CMSS1: variants seen among roughly 807,000 people sequenced by gnomAD.
CMSS1 encodes the protein protein CMSS1.
In CMSS1, 33 loss-of-function variants were observed where a neutral mutation model predicts 43.5. That is an observed-to-expected ratio of 0.76 (90% CI 0.57 to 1.01). The LOEUF (loss-of-function observed/expected upper bound fraction) is 1.01, where lower values mean the gene tolerates loss of function less well. Among genes scored for constraint, CMSS1 ranks in the 50% least tolerant of loss-of-function variants. The pLI is 0.00. For missense variants in CMSS1, 313 were observed against 326.4 expected (o/e 0.96, Z 0.32); for synonymous variants, 115 against 117.2 (o/e 0.98, Z 0.12).
intron 1 of CMSS1, among the ~76,000 whole-genome samples, chr3:99,950,938 G>C (rs1708158429): frequency 6.6e-6 from 1 of 152,156 alleles, no homozygotes; most frequent in South Asian, 2.1e-4. Context: ...GTCACCCAGG[G>C]ATTATTGGGT....
intron 1 of CMSS1, among the ~76,000 whole-genome samples, chr3:99,951,446 A>T (rs548235208): frequency 1.0e-3 from 159 of 152,214 alleles, no homozygotes; most frequent in Non-Finnish European, 2.0e-3. Flanking sequence ...GATTGAATGA[A>T]TGAGGTTGTC....
chr3:99,842,824 G>A (rs776329624), intron 1 of CMSS1, among the ~76,000 whole-genome samples: 9 of 152,136 alleles, frequency 5.9e-5, no homozygotes, highest in Non-Finnish European at 1.2e-4. Context: ...ATTTGTAAGT[G>A]CTCCCATGTA....
Position 100,014,895 on chromosome 3 carries a change from C to CTT in CMSS1, c.65-132056_65-132055dup, listed in dbSNP as rs1233573719. 3.9e-3 allele frequency among the ~76,000 whole-genome samples: 98 copies of CTT among 25,004 alleles called. 2 individuals carry two copies. Among genetic ancestry groups the CTT allele is most frequent in the African/African-American group, 0.012 (66 of 5,706 alleles). The allele number at this position is 25,004 out of a possible 152,430, so 16.4% of individuals were successfully genotyped here. A position where few individuals can be genotyped will look rare whatever the true frequency, so the allele number is the denominator to read the frequency against. On this transcript the variant is annotated intron_variant, in intron 1 of 9. Transcript: ENST00000421999. ...TTTTCTTTTTTTTTTTTCTTTCTTTCTTTTTTTTTTTTTTTTTTTTTTTGC... is the reference window on the plus strand; with the variant it reads ...TTTTCTTTTTTTTTTTTCTTTCTTTCTTTTTTTTTTTTTTTTTTTTTTTTTGC...
At chr3:99,909,952 T>C (rs1706741779) in intron 1 of CMSS1, among the ~76,000 whole-genome samples, 1 of 83,460 alleles carries the variant, frequency 1.2e-5, no homozygotes, top group African/African-American at 3.1e-5. Context: ...CTGACCAAAA[T>C]GAGTGAGAAA....
chr3:99,929,944 T>C, intron 1 of CMSS1: 1 of 1,614,128 alleles, frequency 6.2e-7, no homozygotes, highest in Non-Finnish European at 8.5e-7. Context: ...TAACACCTTT[T>C]TTGGAGTGAC....
chr3:100,023,530 G>A (rs185671980), intron 1 of CMSS1: 3 of 152,734 alleles, frequency 2.0e-5, no homozygotes, highest in African/African-American at 7.2e-5. Context: ...ACTGTAAGTG[G>A]TATGAGACTA....
At chr3:100,065,007 G>A (rs995911679) in intron 1 of CMSS1, among the ~76,000 whole-genome samples, 3 of 152,168 alleles carry the variant, frequency 2.0e-5, no homozygotes, top group Non-Finnish European at 2.9e-5. Context: ...CACTATGCTA[G>A]GCATTATGTG....
At position 99,898,916 on chromosome 3, in the gene CMSS1, C is replaced by G. The variant is rs947221128; in HGVS notation, c.64+80873C>G. Reference sequence around the variant, plus strand: ...TTGCATGAACACTGACTCTGAAGCTCTAATCGAAGTTTAGCTTTATTTCAA... The same window carrying G: ...TTGCATGAACACTGACTCTGAAGCTGTAATCGAAGTTTAGCTTTATTTCAA... On this transcript the variant is annotated intron_variant, in intron 1 of 9. Transcript: ENST00000421999. Among the ~76,000 whole-genome samples, 6 of 152,202 alleles carry G rather than the reference C, an allele frequency of 3.9e-5. No homozygotes were observed. The East Asian group carries it at 1.2e-3, about 29-fold the overall frequency.
At chr3:100,023,935 A>G (rs1320454471) in intron 1 of CMSS1, among the ~76,000 whole-genome samples, 2 of 152,214 alleles carry the variant, frequency 1.3e-5, no homozygotes, top group African/African-American at 4.8e-5. Flanking sequence ...AAATGCTAGC[A>G]GTTAAAGAAA....
chr3:99,867,391 A>C (rs889157149), intron 1 of CMSS1, among the ~76,000 whole-genome samples: 1 of 152,220 alleles, frequency 6.6e-6, no homozygotes, highest in Non-Finnish European at 1.5e-5. Flanking sequence ...AAGAGAAGGC[A>C]AACTATCTCA....
intron 1 of CMSS1, among the ~76,000 whole-genome samples, chr3:99,840,469 G>A (rs1943086517): frequency 6.6e-6 from 1 of 152,040 alleles, no homozygotes; most frequent in South Asian, 2.1e-4. Context: ...TGATCTGCCC[G>A]CTTTGGCCTC....
chr3:100,173,025 A>G (rs1044349949), intron 8 of CMSS1, among the ~76,000 whole-genome samples: 1 of 152,158 alleles, frequency 6.6e-6, no homozygotes, highest in African/African-American at 2.4e-5. Flanking sequence ...CAAATTACTT[A>G]TGTATTATAT....
intron 1 of CMSS1, among the ~76,000 whole-genome samples, chr3:99,920,882 AT>A (rs1707104043): frequency 6.6e-6 from 1 of 152,164 alleles, no homozygotes; most frequent in Non-Finnish European, 1.5e-5. Context: ...GTAGTTCTTA[AT>A]TTTTGTTTTA....
intron 1 of CMSS1, among the ~76,000 whole-genome samples, chr3:99,986,850 T>A (rs1357472559): frequency 1.3e-5 from 2 of 151,986 alleles, no homozygotes; most frequent in Non-Finnish European, 2.9e-5. Context: ...CAGCAAAGAG[T>A]TATTCAGACC....
chr3:100,139,013 C>G (rs1330895102), intron 1 of CMSS1, among the ~76,000 whole-genome samples: 1 of 152,106 alleles, frequency 6.6e-6, no homozygotes, highest in African/African-American at 2.4e-5. Context: ...TACGCAACCA[C>G]AAAATGAATG....
At chr3:99,987,602 A>G (rs1709383307) in intron 1 of CMSS1, among the ~76,000 whole-genome samples, 1 of 152,024 alleles carries the variant, frequency 6.6e-6, no homozygotes, top group Non-Finnish European at 1.5e-5. Context: ...GGGAGTTTGA[A>G]CCCTCTGGCC....
At chr3:99,872,703 A>G (rs1444282625) in intron 1 of CMSS1, among the ~76,000 whole-genome samples, 1 of 152,184 alleles carries the variant, frequency 6.6e-6, no homozygotes, top group African/African-American at 2.4e-5. Flanking sequence ...AATACTGCTA[A>G]TGTGTTCTCG....
chr3:100,086,476 A>G (rs967218108), intron 1 of CMSS1, among the ~76,000 whole-genome samples: 1 of 152,212 alleles, frequency 6.6e-6, no homozygotes, highest in African/African-American at 2.4e-5. Flanking sequence ...AACAGTACCT[A>G]ACTCCTAGTT....
In CMSS1 at chr3:100,021,952, TGTGTGTGTGAGAGAGAGAGAGA is replaced by T. The variant is rs1433131815; in HGVS notation, c.65-125019_65-124998del. ...GTGTGTGTGTGTGTGTGTGTGTGTG[TGTGTGTGTGAGAGAGAGAGAGA>T]GAGAGAGAGAGAGAGAGAGATATGA... On this transcript the variant is annotated intron_variant, in intron 1 of 9. Coordinates refer to ENST00000421999, the MANE Select transcript of CMSS1 (RefSeq NM_032359.4). 7.2e-5 allele frequency among the ~76,000 whole-genome samples: 8 copies of T among 111,534 alleles called. No homozygotes were observed. The East Asian group carries it at 1.1e-3, about 16-fold the overall frequency. 73.2% of individuals were successfully genotyped at this position (111,534 alleles called of 152,430 possible).
Sources: gnomAD v4.1 joint callset for allele counts (sites outside exome capture counted in the v4.1 genomes callset) on GRCh38, gnomAD v4.1.1 for gene constraint, MANE v1.5 for transcripts, NCBI Gene and HGNC (gene_info 2026-07-23, HGNC 2026-07-21) for gene names.